The following PRRC1 variants were observed in gnomAD, a reference collection of about 807,000 sequenced individuals.
The protein encoded by PRRC1 is proline rich coiled-coil 1, also known as protein PRRC1.
A neutral mutation model predicts 40.7 loss-of-function variants in PRRC1; 39 were observed. That is an observed-to-expected ratio of 0.96 (90% CI 0.74 to 1.25). PRRC1 has a LOEUF of 1.25. PRRC1 is among the 50% of genes most tolerant of loss of function. The probability of loss-of-function intolerance (pLI) is 0.00; values close to 1 mark genes in which losing one functional copy is unlikely to be tolerated. For missense variants in PRRC1, 573 were observed against 548.3 expected, an observed-to-expected ratio of 1.05 and a Z score of -0.45; for synonymous variants, 175 against 193.3, an observed-to-expected ratio of 0.91 and a Z score of 0.79.
intron 8 of PRRC1, 80 bp downstream of exon 8, chr5:127,548,001 T>G: frequency 1.0e-5 from 10 of 953,544 alleles, no homozygotes; most frequent in Non-Finnish European, 1.7e-5. Context: ...TTGTTCGGTT[T>G]TTTTGTTAGA....
At chr5:127,546,592 A>G (rs1186523321) in intron 7 of PRRC1, among the ~76,000 whole-genome samples, 4 of 152,160 alleles carry the variant, frequency 2.6e-5, no homozygotes, top group African/African-American at 9.7e-5. Flanking sequence ...AGTGTACTTC[A>G]GTCACAGTCT....
intron 8 of PRRC1, chr5:127,549,266 G>A (rs1247943931): frequency 6.6e-5 from 10 of 152,064 alleles, no homozygotes; most frequent in African/African-American, 1.7e-4. Flanking sequence ...GAGTTTTCCA[G>A]TTCATTCTGT....
intron 8 of PRRC1, chr5:127,550,008 T>C (rs1768332339): frequency 6.6e-6 from 1 of 151,780 alleles, no homozygotes; most frequent in African/African-American, 2.4e-5. Flanking sequence ...AAGATAGCTA[T>C]TACATATTGC....
At position 127,554,958 on chromosome 5, in the gene PRRC1, G is replaced by A. The variant is rs76487993; in HGVS notation, c.*3042G>A. ...AGTTGGGCTATACATAAATTATTAAGAAATATGGATTTTTATTCCCAGGAT... is the reference window on the plus strand; with the variant it reads ...AGTTGGGCTATACATAAATTATTAAAAAATATGGATTTTTATTCCCAGGAT... On this transcript the variant is annotated 3_prime_UTR_variant, in exon 9 of 9. Transcript: ENST00000296666. 1,467 of 152,598 alleles carry A rather than the reference G, an allele frequency of 9.6e-3. 19 individuals carry two copies. The highest frequency in any genetic ancestry group is 0.017 in the Middle Eastern group (5 of 294). 9.5% of individuals were successfully genotyped at this position (152,598 alleles called of 1,614,324 possible). A position where few individuals can be genotyped will look rare whatever the true frequency, so the allele number is the denominator to read the frequency against.
At chr5:127,523,029 G>A (rs777987951) in intron 1 of PRRC1, among the ~76,000 whole-genome samples, 28 of 152,038 alleles carry the variant, frequency 1.8e-4, no homozygotes, top group Non-Finnish European at 3.1e-4. Flanking sequence ...GCCCAGGCTT[G>A]TCTACAACTC....
At chr5:127,538,884 A>AT (rs1380819861) in intron 6 of PRRC1, among the ~76,000 whole-genome samples, 156 bp from the exon 7 acceptor site, 2 of 152,044 alleles carry the variant, frequency 1.3e-5, no homozygotes, top group Admixed American at 6.6e-5. Flanking sequence ...GTATTTTGTC[A>AT]TTTTTTACTC....
chr5:127,521,346 C>T (rs1054976706), intron 1 of PRRC1, among the ~76,000 whole-genome samples: 1 of 152,122 alleles, frequency 6.6e-6, no homozygotes, highest in South Asian at 2.1e-4. Flanking sequence ...CCGTCCTTCC[C>T]GCCAAACTAC....
At position 127,553,519 on chromosome 5, in the gene PRRC1, C is replaced by T. The variant is rs1768446242; in HGVS notation, c.*1603C>T. On this transcript the variant is annotated 3_prime_UTR_variant, in exon 9 of 9. Coordinates refer to ENST00000296666, the MANE Select transcript of PRRC1 (RefSeq NM_130809.5). ...TTCAAGTACAAGAAGGCTTTCTCTA[C>T]CATTTGCGTCTACACTTTATTTTAA... 8.7e-7 allele frequency: 1 copy of T among 1,152,378 alleles called. No homozygotes were observed. Among genetic ancestry groups the T allele is most frequent in the Non-Finnish European group, 1.1e-6 (1 of 931,914 alleles). The allele number at this position is 1,152,378 out of a possible 1,614,324, so 71.4% of individuals were successfully genotyped here.
At chr5:127,527,897 T>C (rs1356276493) in intron 4 of PRRC1, among the ~76,000 whole-genome samples, 3 of 152,166 alleles carry the variant, frequency 2.0e-5, no homozygotes, top group Non-Finnish European at 4.4e-5. Context: ...CCTATTCCAC[T>C]TCAGGAGGTT....
intron 6 of PRRC1, among the ~76,000 whole-genome samples, chr5:127,537,356 G>T (rs1767926562): frequency 6.6e-6 from 1 of 151,640 alleles, no homozygotes; most frequent in African/African-American, 2.4e-5. Flanking sequence ...CAAAACATTG[G>T]TAGGGACTAA....
At position 127,553,058 on chromosome 5, in the gene PRRC1, T is replaced by A; in HGVS notation, c.*1142T>A. On this transcript the variant is annotated 3_prime_UTR_variant, in exon 9 of 9. Transcript: ENST00000296666. Reference sequence around the variant, plus strand: ...AAATAAATTTTTTTCTTAATACTGTTGGACTTTGTATATACAAGTTCAAAT... The same window carrying A: ...AAATAAATTTTTTTCTTAATACTGTAGGACTTTGTATATACAAGTTCAAAT... 4 of 745,082 alleles carry A rather than the reference T, an allele frequency of 5.4e-6. No homozygotes were observed. Among genetic ancestry groups the A allele is most frequent in the Non-Finnish European group, 6.5e-6 (4 of 611,884 alleles). 46.2% of individuals were successfully genotyped at this position (745,082 alleles called of 1,614,324 possible).
intron 4 of PRRC1, among the ~76,000 whole-genome samples, chr5:127,528,059 T>A (rs775540212): frequency 5.9e-5 from 9 of 152,120 alleles, no homozygotes; most frequent in Non-Finnish European, 1.3e-4. Flanking sequence ...CTCGTATGAT[T>A]TTTAGCCATT....
At chr5:127,526,845 A>C (rs1767631219) in intron 4 of PRRC1, 67 bp downstream of exon 4, 1 of 1,275,554 alleles carries the variant, frequency 7.8e-7, no homozygotes, top group East Asian at 2.7e-5. Context: ...CATTAGAGAA[A>C]ATATTGAAAA....
intron 6 of PRRC1, among the ~76,000 whole-genome samples, chr5:127,538,317 A>G (rs1197622015): frequency 4.6e-5 from 7 of 152,058 alleles, no homozygotes; most frequent in Non-Finnish European, 1.0e-4. Flanking sequence ...AAAATTATCC[A>G]TGGCTACTTC....
At chr5:127,529,991 T>C (rs1338025791) in intron 4 of PRRC1, among the ~76,000 whole-genome samples, 1 of 152,118 alleles carries the variant, frequency 6.6e-6, no homozygotes, top group African/African-American at 2.4e-5. Flanking sequence ...AGTGAAATTA[T>C]ATATATGTAT....
At chr5:127,535,420 A>C (rs1011648769) in intron 6 of PRRC1, among the ~76,000 whole-genome samples, 1 of 152,198 alleles carries the variant, frequency 6.6e-6, no homozygotes, top group Non-Finnish European at 1.5e-5. Context: ...AATAGATCCC[A>C]AAAAGGATAC....
intron 5 of PRRC1, among the ~76,000 whole-genome samples, chr5:127,531,813 C>G (rs752350610): frequency 6.6e-6 from 1 of 151,338 alleles, no homozygotes; most frequent in South Asian, 2.1e-4. Context: ...CGGGGTTTCT[C>G]CATGTTGGCC....
At chr5:127,533,890 T>G in intron 6 of PRRC1, 104 bp downstream of exon 6, 1 of 1,230,414 alleles carries the variant, frequency 8.1e-7, no homozygotes, top group African/African-American at 1.5e-5. Context: ...TTTTACATAC[T>G]GAAATAACAA....
chr5:127,522,416 G>A (rs1767482858), intron 1 of PRRC1, among the ~76,000 whole-genome samples: 1 of 152,130 alleles, frequency 6.6e-6, no homozygotes, highest in Non-Finnish European at 1.5e-5. Flanking sequence ...ATTGAGACAA[G>A]GTCCTGCTTT....
Sources: allele counts gnomAD v4.1 joint callset (sites outside exome capture counted in the v4.1 genomes callset), GRCh38; gene constraint gnomAD v4.1.1; transcripts MANE v1.5; gene names NCBI Gene and HGNC (gene_info 2026-07-23, HGNC 2026-07-21).